Variants in MAST3 observed in about 807,000 individuals in gnomAD.
The protein encoded by MAST3 is microtubule-associated serine/threonine-protein kinase 3.
MAST3 carries 43 observed loss-of-function variants against 127.0 expected under a neutral mutation model. That is an observed-to-expected ratio of 0.34 (90% CI 0.27 to 0.44). The LOEUF (loss-of-function observed/expected upper bound fraction) is 0.44, where lower values mean the gene tolerates loss of function less well. Among genes scored for constraint, MAST3 ranks in the 20% least tolerant of loss-of-function variants. MAST3 has a pLI of 1.00. For missense variants in MAST3, 1,390 were observed against 1,919.1 expected (o/e 0.72, Z 5.15); for synonymous variants, 785 against 809.2 (o/e 0.97, Z 0.51).
Position 18,145,638 on chromosome 19 carries a change from C to G in MAST3, c.3040-105C>G. 1 of 1,337,402 alleles carries G rather than the reference C, an allele frequency of 7.5e-7. No individual in the cohort carries two copies. Among genetic ancestry groups the G allele is most frequent in the East Asian group, 2.6e-5 (1 of 37,754 alleles). The allele number at this position is 1,337,402 out of a possible 1,614,324, so 82.8% of individuals were successfully genotyped here. On this transcript the variant is annotated intron_variant, in intron 24 of 27. Coordinates refer to ENST00000687212, the MANE Select transcript of MAST3 (RefSeq NM_001393504.1). The surrounding 1 kb of genome is among the most constrained non-coding windows in gnomAD (Gnocchi z 5.9). Reference sequence around the variant, plus strand: ...CAGGATCAGGGAAACTGAGACAGCACAAGAGGCAGCAGCTTGCTGGGGTCC... The same window carrying G: ...CAGGATCAGGGAAACTGAGACAGCAGAAGAGGCAGCAGCTTGCTGGGGTCC...
intron 20 of MAST3, among the ~76,000 whole-genome samples, chr19:18,141,464 C>T (rs2042478492): frequency 1.3e-5 from 2 of 150,146 alleles, no homozygotes; most frequent in African/African-American, 4.9e-5. Context: ...CCTCCGCCTT[C>T]TGGGTTCAAG....
chr19:18,130,301 C>T (rs1313639335), intron 13 of MAST3, among the ~76,000 whole-genome samples, 193 bp from the exon 14 acceptor site: 2 of 152,208 alleles, frequency 1.3e-5, no homozygotes, highest in African/African-American at 4.8e-5. Flanking sequence ...ATTTATATGG[C>T]CCCCAGCCAT....
In MAST3 at chr19:18,134,936, T is replaced by A; in HGVS notation, c.1824T>A (p.Pro608=). The change falls in exon 17 of 28, where the codon CCT becomes CCA. Residue 608 remains proline, a synonymous_variant. Coordinates refer to ENST00000687212, the MANE Select transcript of MAST3 (RefSeq NM_001393504.1). Reference sequence around the variant, plus strand: ...ATGAGTTTCTGGTGGGCTGCGTGCCTTTCTTTGGAGATACCCCCGAGGAAC... The same window carrying A: ...ATGAGTTTCTGGTGGGCTGCGTGCCATTCTTTGGAGATACCCCCGAGGAAC... ...VLYEFLVGCV[P]FFGDTPEELF... 6.2e-7 allele frequency: 1 copy of A among 1,613,830 alleles called. No individual in the cohort carries two copies. The highest frequency in any genetic ancestry group is 8.5e-7 in the Non-Finnish European group (1 of 1,179,774).
intron 2 of MAST3, chr19:18,109,891 GGGCCGGGGCGAGGGCAGA>G (rs2146916685): frequency 1.0e-6 from 1 of 966,146 alleles, no homozygotes; most frequent in African/African-American, 1.8e-5. Flanking sequence ...GAGAGCCCCA[GGGCCGGGGCGAGGGCAGA>G]GGCCGGGCCG....
chr19:18,123,726 G>T (rs2040261275), intron 8 of MAST3, 71 bp downstream of exon 8: 3 of 1,296,656 alleles, frequency 2.3e-6, no homozygotes, highest in Admixed American at 2.6e-5. Flanking sequence ...ATGGAACTCT[G>T]TCTTCCTGGC....
In MAST3 at chr19:18,150,921, G is replaced by T. The variant is rs771251631; in HGVS notation, c.*1195G>T. ...TGCCAGTCCTGCGGGATTACGTCCAGCTACTTCCAGAAACACTCAGTGTCC... is the reference window on the plus strand; with the variant it reads ...TGCCAGTCCTGCGGGATTACGTCCATCTACTTCCAGAAACACTCAGTGTCC... On this transcript the variant is annotated 3_prime_UTR_variant, in exon 28 of 28. Transcript: ENST00000687212. The T allele has an allele frequency of 7.2e-5, 11 of 152,324 alleles. No individual in the cohort carries two copies. The highest frequency in any genetic ancestry group is 2.0e-4 in the Admixed American group (3 of 15,270). The allele number at this position is 152,324 out of a possible 1,614,324, so 9.4% of individuals were successfully genotyped here.
In MAST3 at chr19:18,151,287, T is replaced by C. The variant is rs1398931523; in HGVS notation, c.*1561T>C. On this transcript the variant is annotated 3_prime_UTR_variant, in exon 28 of 28. Transcript: ENST00000687212. ...TACGTGGCTTCTCCCTCAGCCAGCCTTGAGAAGGCTGGAGGTGGTGTCATC... is the reference window on the plus strand; with the variant it reads ...TACGTGGCTTCTCCCTCAGCCAGCCCTGAGAAGGCTGGAGGTGGTGTCATC... The C allele has an allele frequency of 6.6e-6, 1 of 152,166 alleles. No individual in the cohort carries two copies. The highest frequency in any genetic ancestry group is 2.4e-5 in the African/African-American group (1 of 41,434). 9.4% of individuals were successfully genotyped at this position (152,166 alleles called of 1,614,324 possible). A position where few individuals can be genotyped will look rare whatever the true frequency, so the allele number is the denominator to read the frequency against.
At chr19:18,142,411 G>C (rs1361468996) in intron 21 of MAST3, among the ~76,000 whole-genome samples, 1 of 149,564 alleles carries the variant, frequency 6.7e-6, no homozygotes, top group Admixed American at 6.7e-5. Flanking sequence ...GAGTGCAGTG[G>C]CGCAATCTCG....
At position 18,150,367 on chromosome 19, in the gene MAST3, G is replaced by A. The variant is rs944824521; in HGVS notation, c.*641G>A. The A allele has an allele frequency of 6.6e-5, 10 of 152,352 alleles. No homozygotes were observed. Among genetic ancestry groups the A allele is most frequent in the African/African-American group, 2.4e-4 (10 of 41,444 alleles). 9.4% of individuals were successfully genotyped at this position (152,352 alleles called of 1,614,324 possible). A position where few individuals can be genotyped will look rare whatever the true frequency, so the allele number is the denominator to read the frequency against. ...GCCAGGTCTTGCCCCAGGCACCTGG[G>A]ACTCTGTTTGCAGGCCCTGCCCTCT... On this transcript the variant is annotated 3_prime_UTR_variant, in exon 28 of 28. Transcript: ENST00000687212.
intron 3 of MAST3, among the ~76,000 whole-genome samples, chr19:18,113,060 G>C (rs764266784): frequency 1.3e-5 from 2 of 152,154 alleles, no homozygotes; most frequent in Admixed American, 6.5e-5. Flanking sequence ...GGAGGGACCC[G>C]TGTGTTGGAG....
chr19:18,114,648 G>A (rs1413720735), intron 3 of MAST3, among the ~76,000 whole-genome samples: 2 of 152,190 alleles, frequency 1.3e-5, no homozygotes, highest in Non-Finnish European at 2.9e-5. Flanking sequence ...CTCAGTTAAT[G>A]CATGTGGCTT....
Position 18,110,469 on chromosome 19 carries a change from G to C in MAST3, c.72-183G>C, listed in dbSNP as rs2038466356. On this transcript the variant is annotated intron_variant, in intron 2 of 27. Coordinates refer to ENST00000687212, the MANE Select transcript of MAST3 (RefSeq NM_001393504.1). The surrounding 1 kb of genome is among the most constrained non-coding windows in gnomAD (Gnocchi z 4.3). Reference sequence around the variant, plus strand: ...TCGTGTCGCCCAGAAACGCACCGCCGCCTCCGGGGAGCCCTCCCGGGCCAT... The same window carrying C: ...TCGTGTCGCCCAGAAACGCACCGCCCCCTCCGGGGAGCCCTCCCGGGCCAT... The C allele has an allele frequency of 1.0e-6, 1 of 964,238 alleles. No individual in the cohort carries two copies. The highest frequency in any genetic ancestry group is 5.3e-4 in the Middle Eastern group (1 of 1,884). The allele number at this position is 964,238 out of a possible 1,614,324, so 59.7% of individuals were successfully genotyped here. A position where few individuals can be genotyped will look rare whatever the true frequency, so the allele number is the denominator to read the frequency against.
rs61501122 is a variant in MAST3 at position 18,149,985 on chromosome 19, C to CTTT, written c.*276_*278dup. ...GCAACTAATTTATTACTTTTTTTTT[C>CTTT]TTTTTTTTTTTTTTTTTTTGAGACA... On this transcript the variant is annotated 3_prime_UTR_variant, in exon 28 of 28. Coordinates refer to ENST00000687212, the MANE Select transcript of MAST3 (RefSeq NM_001393504.1). The surrounding 1 kb of genome is among the most constrained non-coding windows in gnomAD (Gnocchi z 5.9). The CTTT allele has an allele frequency of 2.0e-5, 4 of 195,550 alleles. No individual in the cohort carries two copies. Among genetic ancestry groups the CTTT allele is most frequent in the Middle Eastern group, 1.7e-3 (1 of 594 alleles). 12.1% of individuals were successfully genotyped at this position (195,550 alleles called of 1,614,324 possible).
At chr19:18,114,278 C>T (rs1684683746) in intron 3 of MAST3, among the ~76,000 whole-genome samples, 1 of 151,614 alleles carries the variant, frequency 6.6e-6, no homozygotes, top group Non-Finnish European at 1.5e-5. Flanking sequence ...CAACCTTTGC[C>T]TCCTGGGTTC....
chr19:18,141,917 C>T lies in MAST3; in HGVS notation c.2241C>T (p.Pro747=), dbSNP rs374449374. ...GCTCTGAGTTCCTGGCCGTCCAGCC[C>T]ACTCCTACCTTCGCTGAAAGGAGCT... ...YSSSEFLAVQ[P]TPTFAERSFS... Residue 747 remains proline, a synonymous_variant, in exon 21 of 28, where the codon CCC becomes CCT. Coordinates refer to ENST00000687212, the MANE Select transcript of MAST3 (RefSeq NM_001393504.1). The T allele has an allele frequency of 1.5e-5, 23 of 1,539,122 alleles. No homozygotes were observed. Among genetic ancestry groups the T allele is most frequent in the Non-Finnish European group, 1.9e-5 (22 of 1,140,664 alleles).
At chr19:18,103,787 G>A (rs529412698) in intron 1 of MAST3, among the ~76,000 whole-genome samples, 2 of 152,144 alleles carry the variant, frequency 1.3e-5, no homozygotes, top group Non-Finnish European at 2.9e-5. Context: ...GCAGGAGTGG[G>A]GGAGCCAGAC....
rs1205720357 is a variant in MAST3 at position 18,144,614 on chromosome 19, C to T, written c.2733C>T (p.Ser911=). The change falls in exon 23 of 28, where the codon AGC becomes AGT. Residue 911 remains serine (S), a synonymous_variant. Transcript: ENST00000687212. The surrounding 1 kb of genome is among the most constrained non-coding windows in gnomAD (Gnocchi z 4.0). ...CTGAGAAGTCCAGAGCCTCCTCCAG[C>T]GGTGGCAGTGGTGGCGGCAGTGGGG... ...PAPEKSRASS[S]GGSGGGSGGR... 8.1e-6 allele frequency: 13 copies of T among 1,611,434 alleles called. No homozygotes were observed. Among genetic ancestry groups the T allele is most frequent in the South Asian group, 3.3e-5 (3 of 91,030 alleles).
In MAST3 at chr19:18,121,571, T is replaced by C; in HGVS notation, c.162-114T>C. 6.6e-6 allele frequency: 6 copies of C among 908,404 alleles called. No individual in the cohort carries two copies. In the South Asian group the frequency reaches 7.5e-5, roughly 11 times the overall value. 56.3% of individuals were successfully genotyped at this position (908,404 alleles called of 1,614,324 possible). A position where few individuals can be genotyped will look rare whatever the true frequency, so the allele number is the denominator to read the frequency against. ...GCTGGGGGCAGAGTGGGAGTGGCCA[T>C]GTCCAACATCCCATCCTTCTCCAGA... On this transcript the variant is annotated intron_variant, in intron 3 of 27. Transcript: ENST00000687212.
At chr19:18,124,444 A>G in intron 10 of MAST3, 78 bp downstream of exon 10, 4 of 1,421,012 alleles carry the variant, frequency 2.8e-6, no homozygotes, top group Non-Finnish European at 3.9e-6. Flanking sequence ...GCCAAGATAC[A>G]GGTGACAGTT....
Sources: allele counts gnomAD v4.1 joint callset (sites outside exome capture counted in the v4.1 genomes callset), GRCh38; gene constraint gnomAD v4.1.1; non-coding constraint Gnocchi (gnomAD v3.1); transcripts MANE v1.5; gene names NCBI Gene and HGNC (gene_info 2026-07-23, HGNC 2026-07-21).